MBTD1: variants seen among roughly 807,000 people sequenced by gnomAD.
The protein encoded by MBTD1 is MBT domain-containing protein 1.
Under a neutral mutation model 87.8 loss-of-function variants are expected in MBTD1, and 24 were observed. The ratio of observed to expected loss-of-function variants is 0.27; its 90% CI spans 0.20 to 0.38. The LOEUF is 0.38. Ranked by LOEUF, MBTD1 falls within the 10% of genes least tolerant of loss-of-function variation. The pLI is 1.00. For synonymous variants in MBTD1, 237 were observed against 248.6 expected (o/e 0.95, Z 0.44); for missense variants, 436 against 760.2 (o/e 0.57, Z 5.02).
intron 2 of MBTD1, among the ~76,000 whole-genome samples, chr17:51,242,688 C>T (rs1430489873): frequency 1.3e-5 from 2 of 152,190 alleles, no homozygotes; most frequent in African/African-American, 2.4e-5. Flanking sequence ...ACTCAAATGT[C>T]ATTTCTTTCC....
chr17:51,260,439 G>A (rs890369024), upstream of MBTD1: 12 of 860,834 alleles, frequency 1.4e-5, no homozygotes, highest in Non-Finnish European at 1.8e-5. Context: ...GAGTTACGTA[G>A]AGGGAGGGAG....
chr17:51,252,345 C>A (rs2054837091), intron 2 of MBTD1, among the ~76,000 whole-genome samples: 1 of 152,128 alleles, frequency 6.6e-6, no homozygotes, highest in African/African-American at 2.4e-5. Flanking sequence ...AATACTGGTT[C>A]TGTCAGCTAG....
At chr17:51,197,049 TA>T (rs1272702876) in intron 12 of MBTD1, among the ~76,000 whole-genome samples, 23 of 300 alleles carry the variant, frequency 0.077, 6 homozygotes, top group Non-Finnish European at 0.15. Flanking sequence ...AAGATATATA[TA>T]TATATATATA....
chr17:51,247,654 T>C (rs1045550349), intron 2 of MBTD1, among the ~76,000 whole-genome samples: 2 of 152,146 alleles, frequency 1.3e-5, no homozygotes, highest in African/African-American at 2.4e-5. Flanking sequence ...TCACTACAAT[T>C]GCCCAGGCCA....
rs563490592 is a variant in MBTD1, at chr17:51,259,532, C to A, written c.-113+303G>T. On this transcript the variant is annotated intron_variant, in intron 1 of 16. Transcript: ENST00000586178. ...AAAGTCTCGGATCCAGCCTTTCCCC[C>A]CTAGCCAGAGCAGGGGGCGGGGGCA... Among the ~76,000 whole-genome samples, 2 of 152,142 alleles carry A rather than the reference C, an allele frequency of 1.3e-5. 1 individual carries two copies. Among genetic ancestry groups the A allele is most frequent in the African/African-American group, 4.8e-5 (2 of 41,444 alleles).
Position 51,195,759 on chromosome 17 carries a change from T to C in MBTD1, c.1225-398A>G, listed in dbSNP as rs1482575259. On this transcript the variant is annotated intron_variant, in intron 12 of 16. Coordinates refer to ENST00000586178, the MANE Select transcript of MBTD1 (RefSeq NM_017643.3). ...TTCTGATTTATCACATACAGAGTTT[T>C]TACAAACGGTCTCTACCTTCTTCAA... Among the ~76,000 whole-genome samples, 4 of 152,236 alleles carry C rather than the reference T, an allele frequency of 2.6e-5. No homozygotes were observed. The East Asian group carries it at 7.7e-4, about 29-fold the overall frequency.
intron 13 of MBTD1, among the ~76,000 whole-genome samples, chr17:51,193,812 G>C (rs1156543147): frequency 6.6e-6 from 1 of 152,044 alleles, no homozygotes; most frequent in Non-Finnish European, 1.5e-5. Flanking sequence ...GTAGAGACAG[G>C]GTCTCCCTAT....
chr17:51,222,885 C>T (rs1436723895), intron 3 of MBTD1, among the ~76,000 whole-genome samples: 1 of 151,730 alleles, frequency 6.6e-6, no homozygotes, highest in Non-Finnish European at 1.5e-5. Context: ...ACTGCAACCT[C>T]TGCCTCCTGG....
intron 12 of MBTD1, among the ~76,000 whole-genome samples, chr17:51,196,488 C>A (rs897904070): frequency 6.6e-6 from 1 of 151,884 alleles, no homozygotes; most frequent in Non-Finnish European, 1.5e-5. Flanking sequence ...CCAGGCTGCC[C>A]CCCCTTTTTA....
chr17:51,242,654 TAAAG>T (rs1019246508), intron 2 of MBTD1, among the ~76,000 whole-genome samples: 2 of 152,126 alleles, frequency 1.3e-5, no homozygotes, highest in African/African-American at 4.8e-5. Context: ...CTTGCAAAAA[TAAAG>T]AAATATACAA....
At chr17:51,194,942 T>C (rs2051013398) in intron 13 of MBTD1, among the ~76,000 whole-genome samples, 3 of 152,088 alleles carry the variant, frequency 2.0e-5, no homozygotes, top group South Asian at 4.1e-4. Flanking sequence ...TGAGCCTACA[T>C]TACTGACTCA....
intron 13 of MBTD1, among the ~76,000 whole-genome samples, chr17:51,194,836 G>A (rs978146331): frequency 6.6e-5 from 10 of 151,828 alleles, no homozygotes; most frequent in Non-Finnish European, 8.8e-5. Flanking sequence ...GTTACCGTGA[G>A]CTATGATTGT....
chr17:51,223,783 C>T (rs1389670349), intron 3 of MBTD1, among the ~76,000 whole-genome samples: 1 of 152,104 alleles, frequency 6.6e-6, no homozygotes, highest in African/African-American at 2.4e-5. Flanking sequence ...CTACAGTGAG[C>T]CGAGATTGCA....
intron 9 of MBTD1, 38 bp from the exon 10 acceptor site, chr17:51,202,973 A>G: frequency 6.7e-7 from 1 of 1,495,876 alleles, no homozygotes; most frequent in Admixed American, 1.7e-5. Flanking sequence ...GAAATTCATG[A>G]CAAAGGTCTA....
At chr17:51,192,333 G>C in intron 15 of MBTD1, 53 bp from the exon 16 acceptor site, 1 of 1,231,990 alleles carries the variant, frequency 8.1e-7, no homozygotes, top group Non-Finnish European at 1.2e-6. Context: ...CAATTTAGAC[G>C]ATACAGTTGT....
At chr17:51,208,740 G>C (rs1439886526) in intron 6 of MBTD1, among the ~76,000 whole-genome samples, 1 of 152,164 alleles carries the variant, frequency 6.6e-6, no homozygotes, top group Non-Finnish European at 1.5e-5. Flanking sequence ...ACACTGGTAA[G>C]TAAGTTTGGC....
chr17:51,203,126 A>C lies in MBTD1; in HGVS notation c.828+14T>G, dbSNP rs1263389159. On this transcript the variant is annotated intron_variant, in intron 9 of 16. Transcript: ENST00000586178. ...TTTAGAGCTCTTCAGTCTTTATAAG[A>C]TCCTGTTTTTTACCTTTTGGGAGAA... 6.3e-7 allele frequency: 1 copy of C among 1,587,518 alleles called. No individual in the cohort carries two copies. The highest frequency in any genetic ancestry group is 8.6e-7 in the Non-Finnish European group (1 of 1,165,796).
intron 6 of MBTD1, among the ~76,000 whole-genome samples, chr17:51,213,008 G>GT (rs1297168450): frequency 1.3e-5 from 2 of 151,190 alleles, no homozygotes; most frequent in African/African-American, 4.9e-5. Flanking sequence ...GATTACAGGC[G>GT]TGAGTCACCG....
At chr17:51,259,400 C>G (rs2055310648) in intron 1 of MBTD1, among the ~76,000 whole-genome samples, 194 bp from the exon 2 acceptor site, 1 of 152,114 alleles carries the variant, frequency 6.6e-6, no homozygotes, top group Non-Finnish European at 1.5e-5. Context: ...GCACTGCCCC[C>G]AAGGCAGATA....
Sources: gnomAD v4.1 joint callset for allele counts (sites outside exome capture counted in the v4.1 genomes callset) on GRCh38, gnomAD v4.1.1 for gene constraint, MANE v1.5 for transcripts, NCBI Gene and HGNC (gene_info 2026-07-23, HGNC 2026-07-21) for gene names.